The following NRG3 variants were observed in gnomAD, a reference collection of about 807,000 sequenced individuals.
NRG3 encodes neuregulin 3, also known as pro-neuregulin-3, membrane-bound isoform.
NRG3 carries 31 observed loss-of-function variants against 66.9 expected under a neutral mutation model. The observed-to-expected ratio is 0.46, with a 90% CI of 0.35 to 0.63. The LOEUF is 0.63. NRG3 is among the 20% of genes least tolerant of loss of function. The pLI is 0.00. For synonymous variants in NRG3, 393 were observed against 359.4 expected (o/e 1.09, Z -1.06); for missense variants, 910 against 878.9 (o/e 1.04, Z -0.45).
At chr10:82,967,850 A>G (rs1336815459) in intron 6 of NRG3, among the ~76,000 whole-genome samples, 1 of 152,190 alleles carries the variant, frequency 6.6e-6, no homozygotes, top group Admixed American at 6.5e-5. Context: ...CCTGGAGGTC[A>G]AACCCATGGA....
intron 1 of NRG3, among the ~76,000 whole-genome samples, chr10:82,218,137 A>G (rs559455822): frequency 6.6e-6 from 1 of 152,352 alleles, no homozygotes; most frequent in African/African-American, 2.4e-5. Context: ...CATGTGAGAT[A>G]TCACCTATTC....
At chr10:82,955,662 G>A (rs188448312) in intron 5 of NRG3, among the ~76,000 whole-genome samples, 106 of 151,948 alleles carry the variant, frequency 7.0e-4, no homozygotes, top group Admixed American at 2.9e-3. Context: ...GTAAAATGTA[G>A]ACACGGTAAC....
chr10:82,219,051 G>C (rs2075817336), intron 1 of NRG3, among the ~76,000 whole-genome samples: 1 of 151,800 alleles, frequency 6.6e-6, no homozygotes, highest in Non-Finnish European at 1.5e-5. Flanking sequence ...AGAAACGTTT[G>C]GGATTGTGAG....
intron 2 of NRG3, among the ~76,000 whole-genome samples, chr10:82,440,441 G>C (rs1293034147): frequency 7.7e-6 from 1 of 129,300 alleles, no homozygotes; most frequent in East Asian, 2.2e-4. Flanking sequence ...CTTCATTAAT[G>C]ATAGTTTTTT....
At chr10:82,013,412 C>T (rs2061658330) in intron 1 of NRG3, among the ~76,000 whole-genome samples, 1 of 152,098 alleles carries the variant, frequency 6.6e-6, no homozygotes, top group Admixed American at 6.6e-5. Context: ...ATATCATAAA[C>T]TTATATGGCA....
At chr10:82,299,474 A>T (rs1287108295) in intron 1 of NRG3, among the ~76,000 whole-genome samples, 1 of 152,174 alleles carries the variant, frequency 6.6e-6, no homozygotes, top group Non-Finnish European at 1.5e-5. Context: ...CCATGAGCAC[A>T]AAATCCACGA....
chr10:82,582,575 G>A (rs566947187), intron 2 of NRG3, among the ~76,000 whole-genome samples: 1 of 152,082 alleles, frequency 6.6e-6, no homozygotes, highest in Admixed American at 6.6e-5. Flanking sequence ...CAGAGATAGT[G>A]CTGTTTTTAA....
intron 3 of NRG3, among the ~76,000 whole-genome samples, chr10:82,741,799 T>C (rs1415311389): frequency 2.0e-5 from 3 of 152,052 alleles, no homozygotes; most frequent in Non-Finnish European, 4.4e-5. Context: ...CCCTCCCTTC[T>C]CTAGTTATTT....
chr10:82,467,015 A>T (rs116257412), intron 2 of NRG3, among the ~76,000 whole-genome samples: 3,557 of 152,254 alleles, frequency 0.023, 125 homozygotes, highest in African/African-American at 0.075. Flanking sequence ...CAAGCTGGTA[A>T]TTCCACAGAC....
chr10:82,166,441 A>G (rs1318604976), intron 1 of NRG3, among the ~76,000 whole-genome samples: 3 of 152,108 alleles, frequency 2.0e-5, no homozygotes, highest in Non-Finnish European at 4.4e-5. Flanking sequence ...ATTAAAATCT[A>G]TATTTGTGAT....
chr10:82,672,750 G>A (rs753886662), intron 2 of NRG3, among the ~76,000 whole-genome samples: 8 of 152,118 alleles, frequency 5.3e-5, no homozygotes, highest in African/African-American at 1.2e-4. Flanking sequence ...TTTTTTGTTC[G>A]TTGGTTTGTT....
At chr10:82,342,895 T>C (rs896363732) in intron 1 of NRG3, among the ~76,000 whole-genome samples, 6 of 152,174 alleles carry the variant, frequency 3.9e-5, no homozygotes, top group African/African-American at 1.2e-4. Context: ...TTTTTACAGT[T>C]TCAAGTTTTA....
chr10:81,882,131 TC>T (rs2132481832), intron 1 of NRG3, among the ~76,000 whole-genome samples: 1 of 152,300 alleles, frequency 6.6e-6, no homozygotes, highest in East Asian at 1.9e-4. Context: ...CGTAAACAAA[TC>T]TATTATCCCA....
At chr10:82,895,707 G>C (rs1843600815) in intron 4 of NRG3, among the ~76,000 whole-genome samples, 1 of 152,040 alleles carries the variant, frequency 6.6e-6, no homozygotes, top group African/African-American at 2.4e-5. Flanking sequence ...AGCCAGGATG[G>C]TCTCGATCTC....
At chr10:82,840,769 G>A (rs1418204067) in intron 3 of NRG3, among the ~76,000 whole-genome samples, 1 of 152,040 alleles carries the variant, frequency 6.6e-6, no homozygotes, top group Non-Finnish European at 1.5e-5. Context: ...AAATGGAGAG[G>A]GTTGAAAATT....
chr10:82,247,820 A>G (rs941667879), intron 1 of NRG3, among the ~76,000 whole-genome samples: 6 of 152,120 alleles, frequency 3.9e-5, no homozygotes, highest in Non-Finnish European at 8.8e-5. Context: ...AGATATATTC[A>G]TATACTTCTT....
At chr10:82,203,444 G>A (rs757814340) in intron 1 of NRG3, among the ~76,000 whole-genome samples, 3 of 152,042 alleles carry the variant, frequency 2.0e-5, no homozygotes, top group Non-Finnish European at 4.4e-5. Context: ...TTTCACATAG[G>A]AATTACAGGA....
intron 2 of NRG3, among the ~76,000 whole-genome samples, chr10:82,429,888 G>A (rs1296619692): frequency 6.6e-6 from 1 of 152,030 alleles, no homozygotes; most frequent in Non-Finnish European, 1.5e-5. Flanking sequence ...TCATTATTCT[G>A]ACAGTTGAAA....
At chr10:82,774,166 G>A (rs2088215) in intron 3 of NRG3, among the ~76,000 whole-genome samples, 3,824 of 152,166 alleles carry the variant, frequency 0.025, 161 homozygotes, top group African/African-American at 0.087. Flanking sequence ...CTGTGTTGCT[G>A]AATTAGTTTT....
Sources: allele counts gnomAD v4.1 joint callset (sites outside exome capture counted in the v4.1 genomes callset), GRCh38; gene constraint gnomAD v4.1.1; transcripts MANE v1.5; gene names NCBI Gene and HGNC (gene_info 2026-07-23, HGNC 2026-07-21).